The following PRKCD variants were observed in gnomAD, a reference collection of about 807,000 sequenced individuals.
The protein encoded by PRKCD is protein kinase C delta.
Under a neutral mutation model 82.2 loss-of-function variants are expected in PRKCD, and 20 were observed. The observed-to-expected ratio is 0.24, with a 90% CI of 0.17 to 0.35. The LOEUF (loss-of-function observed/expected upper bound fraction) is 0.35. Ranked by LOEUF, PRKCD falls within the 10% of genes least tolerant of loss-of-function variation. The pLI, the probability that PRKCD is intolerant of heterozygous loss-of-function variation, is 1.00. For missense variants in PRKCD, 607 were observed against 899.0 expected (o/e 0.68, Z 4.15); for synonymous variants, 317 against 337.0 (o/e 0.94, Z 0.65).
rs1414827766 is a variant in PRKCD at position 53,192,458 on chromosome 3, C to T, written c.*192C>T. On this transcript the variant is annotated 3_prime_UTR_variant, in exon 19 of 19. Transcript: ENST00000330452. Reference sequence around the variant, plus strand: ...TGTGTGTGAATCTGCTTTTCCTCTGCCTTCGGAGGGAAATTGTAAATCCTG... The same window carrying T: ...TGTGTGTGAATCTGCTTTTCCTCTGTCTTCGGAGGGAAATTGTAAATCCTG... 2.4e-5 allele frequency: 13 copies of T among 535,792 alleles called. No individual in the cohort carries two copies. In the Admixed American group the frequency reaches 2.9e-4, roughly 12 times the overall value. The allele number at this position is 535,792 out of a possible 1,614,324, so 33.2% of individuals were successfully genotyped here.
Position 53,187,383 on chromosome 3 carries a change from A to G in PRKCD, c.1396A>G (p.Ser466Gly). 6.2e-7 allele frequency: 1 copy of G among 1,614,198 alleles called. No individual in the cohort carries two copies. The highest frequency in any genetic ancestry group is 8.5e-7 in the Non-Finnish European group (1 of 1,180,022). Residue 466 changes from serine to glycine, a missense_variant, in exon 15 of 19, where the codon AGC (serine) becomes GGC (glycine). This residue lies in a region of PRKCD where 251 missense variants were observed against 423.9 expected (regional missense o/e 0.59). Coordinates refer to ENST00000330452, the MANE Select transcript of PRKCD (RefSeq NM_006254.4). ...AATGTGTGGACTGCAGTTTCTACAC[A>G]GCAAGGGCATCATTTACAGGTGCGG... Reference protein sequence around the residue: ...EIMCGLQFLHSKGIIYRDLKL... With the variant: ...EIMCGLQFLHGKGIIYRDLKL...
intron 8 of PRKCD, 112 bp downstream of exon 8, chr3:53,183,318 CT>C (rs1703535947): frequency 6.5e-7 from 1 of 1,530,706 alleles, no homozygotes; most frequent in Non-Finnish European, 9.0e-7. Context: ...CCCCATTTTT[CT>C]TAGTCTTTCC....
chr3:53,166,264 C>T (rs1702828864), intron 2 of PRKCD, among the ~76,000 whole-genome samples: 1 of 152,200 alleles, frequency 6.6e-6, no homozygotes, highest in African/African-American at 2.4e-5. Context: ...TTGGACCTGT[C>T]CCTAAACCTG....
chr3:53,170,043 G>C (rs1553664570), intron 2 of PRKCD, among the ~76,000 whole-genome samples: 1 of 152,246 alleles, frequency 6.6e-6, no homozygotes, highest in African/African-American at 2.4e-5. Context: ...ATCCTGCCCA[G>C]ATCCTGGGGA....
At chr3:53,182,702 A>G (rs372953906) in intron 7 of PRKCD, among the ~76,000 whole-genome samples, 14 of 152,332 alleles carry the variant, frequency 9.2e-5, no homozygotes, top group African/African-American at 3.1e-4. Flanking sequence ...TGTTATCATT[A>G]TTACACATGC....
Position 53,171,352 on chromosome 3 carries a change from C to T in PRKCD, c.-20+6137C>T, listed in dbSNP as rs184376237. ...CAAGCTGGCAGAGGTGGATGTGAGC[C>T]GATGACAGCCAGGCTCCCAAGTCCT... On this transcript the variant is annotated intron_variant, in intron 2 of 18. Transcript: ENST00000330452. 4.9e-4 allele frequency among the ~76,000 whole-genome samples: 75 copies of T among 152,292 alleles called. No individual in the cohort carries two copies. The East Asian group carries it at 9.3e-3, about 19-fold the overall frequency.
intron 2 of PRKCD, among the ~76,000 whole-genome samples, chr3:53,176,275 G>A (rs1703211573): frequency 6.7e-6 from 1 of 150,284 alleles, no homozygotes; most frequent in Non-Finnish European, 1.5e-5. Flanking sequence ...AATGTGGTGG[G>A]GTCTGCCCCT....
At chr3:53,190,872 G>C (rs1703901820) in intron 18 of PRKCD, among the ~76,000 whole-genome samples, 1 of 152,188 alleles carries the variant, frequency 6.6e-6, no homozygotes, top group Admixed American at 6.5e-5. Flanking sequence ...GCATGTAACT[G>C]ACAGGCTAGG....
At chr3:53,170,007 C>A (rs1389159876) in intron 2 of PRKCD, among the ~76,000 whole-genome samples, 1 of 152,196 alleles carries the variant, frequency 6.6e-6, no homozygotes, top group Non-Finnish European at 1.5e-5. Context: ...TTCTCAATAT[C>A]CCCAAAGTGG....
chr3:53,178,751 G>C (rs190031243), intron 3 of PRKCD, among the ~76,000 whole-genome samples: 3 of 152,360 alleles, frequency 2.0e-5, no homozygotes, highest in Admixed American at 1.3e-4. Context: ...GGAAGGCTTG[G>C]AGTTTCTGGT....
intron 13 of PRKCD, 60 bp from the exon 14 acceptor site, chr3:53,186,544 C>A: frequency 6.7e-7 from 1 of 1,500,162 alleles, no homozygotes; most frequent in Non-Finnish European, 9.2e-7. Context: ...CCCCAGTGGC[C>A]CTCAGTGAGG....
Position 53,179,559 on chromosome 3 carries a change from TG to T in PRKCD, c.116-17del, listed in dbSNP as rs1553666741. The T allele has an allele frequency of 3.7e-6, 6 of 1,613,996 alleles. No homozygotes were observed. Among genetic ancestry groups the T allele is most frequent in the Middle Eastern group, 1.6e-4 (1 of 6,082 alleles). ...AGAGGGGCCATGGCCCAACCTTCTC[TG>T]CCTGGCCTTGTTGCAGAGCGTGGGA... On this transcript the variant is annotated splice_polypyrimidine_tract_variant and intron_variant, in intron 3 of 18. Coordinates refer to ENST00000330452, the MANE Select transcript of PRKCD (RefSeq NM_006254.4).
At chr3:53,185,125 C>T in intron 10 of PRKCD, 151 bp downstream of exon 10, 1 of 682,032 alleles carries the variant, frequency 1.5e-6, no homozygotes. Context: ...ATTTAGGCAG[C>T]AGAGGGAGGG....
chr3:53,189,289 G>A (rs563611007), intron 17 of PRKCD, 43 bp downstream of exon 17: 1 of 1,539,058 alleles, frequency 6.5e-7, no homozygotes. Flanking sequence ...GGCTGGGCTG[G>A]GGCAGGGGCT....
chr3:53,181,465 G>A lies in PRKCD; in HGVS notation c.398G>A (p.Ser133Asn). ...CCAGATTGCAAACAGTCTATGCGCA[G>A]TGAGGACGAGGCCAAGTTCCCAACG... is the stretch of plus-strand genomic sequence containing the variant. Reference protein sequence around the residue: ...EDVDCKQSMRSEDEAKFPTMN... With the variant: ...EDVDCKQSMRNEDEAKFPTMN... Residue 133 changes from serine (S) to asparagine (N), a missense_variant, in exon 6 of 19, where the codon AGT becomes AAT. Ser to Asn is a conservative substitution (Grantham distance 46). Coordinates refer to ENST00000330452, the MANE Select transcript of PRKCD (RefSeq NM_006254.4). 6.2e-7 allele frequency: 1 copy of A among 1,614,168 alleles called. No individual in the cohort carries two copies. Among genetic ancestry groups the A allele is most frequent in the Non-Finnish European group, 8.5e-7 (1 of 1,180,016 alleles).
In PRKCD at chr3:53,185,442, A is replaced by G. The variant is rs938359152; in HGVS notation, c.889-162A>G. Reference sequence around the variant, plus strand: ...CAAGGCTTCTCTGGGCTCCTGGAAGAGTGCGTGTGTGTACACGCAGCCCGA... The same window carrying G: ...CAAGGCTTCTCTGGGCTCCTGGAAGGGTGCGTGTGTGTACACGCAGCCCGA... On this transcript the variant is annotated intron_variant, in intron 10 of 18. Transcript: ENST00000330452. Among the ~76,000 whole-genome samples the G allele has an allele frequency of 5.3e-5, 8 of 152,210 alleles. No homozygotes were observed. The East Asian group carries it at 1.5e-3, about 29-fold the overall frequency.
chr3:53,184,505 G>A (rs557507111), intron 9 of PRKCD, among the ~76,000 whole-genome samples: 17 of 151,778 alleles, frequency 1.1e-4, no homozygotes, highest in African/African-American at 3.6e-4. Flanking sequence ...GAAAAACCCC[G>A]TCTCTACTAA....
intron 2 of PRKCD, among the ~76,000 whole-genome samples, chr3:53,171,969 G>A (rs1189799734): frequency 6.6e-6 from 1 of 152,100 alleles, no homozygotes; most frequent in Non-Finnish European, 1.5e-5. Context: ...TGGGTAAGGG[G>A]AGGAGAGGCC....
intron 3 of PRKCD, chr3:53,179,362 G>T (rs1703335450): frequency 1.4e-6 from 1 of 703,538 alleles, no homozygotes; most frequent in East Asian, 2.6e-5. Context: ...GGAGCAAGAG[G>T]ATCAGAGGAA....
Sources: gnomAD v4.1 joint callset for allele counts (sites outside exome capture counted in the v4.1 genomes callset) on GRCh38, gnomAD v4.1.1 for gene constraint, gnomAD v4.1.1 regional missense constraint, MANE v1.5 for transcripts, NCBI Gene and HGNC (gene_info 2026-07-23, HGNC 2026-07-21) for gene names.